PRRC2B: variants seen among roughly 807,000 people sequenced by gnomAD.
PRRC2B encodes the protein proline rich coiled-coil 2B, also known as protein PRRC2B.
In PRRC2B, 68 loss-of-function variants were observed where a neutral mutation model predicts 242.3. The ratio of observed to expected loss-of-function variants is 0.28; its 90% CI spans 0.23 to 0.34. The LOEUF is 0.34. Among genes scored for constraint, PRRC2B ranks in the 10% least tolerant of loss-of-function variants. The pLI is 1.00. For missense variants in PRRC2B, 2,835 were observed against 2,954.8 expected, an observed-to-expected ratio of 0.96 and a Z score of 0.94; for synonymous variants, 1,228 against 1,173.6, an observed-to-expected ratio of 1.05 and a Z score of -0.95.
intron 9 of PRRC2B, 125 bp downstream of exon 9, chr9:131,447,929 C>G (rs1420599692): frequency 1.2e-5 from 12 of 1,033,804 alleles, no homozygotes; most frequent in Non-Finnish European, 1.6e-5. Flanking sequence ...AAGAGCCGGA[C>G]AGGGAAGCAG....
rs371470825 is a variant in PRRC2B, at chr9:131,473,691, C to T, written c.2291C>T (p.Ser764Leu). The T allele has an allele frequency of 5.6e-6, 9 of 1,613,486 alleles. No individual in the cohort carries two copies. The highest frequency in any genetic ancestry group is 2.2e-5 in the South Asian group (2 of 91,022). ...GGCTACCCGCTCCCGCACCCGAAGT[C>T]GAGTGACACCTTGGCTATGGACATG... is the stretch of plus-strand genomic sequence containing the variant. The part of the protein sequence containing the change: ...SKGYPLPHPK[S>L]SDTLAMDMRV... Residue 764 changes from serine (S) to leucine (L), a missense_variant, in exon 15 of 32, where the codon TCG (serine) becomes TTG (leucine). By Grantham distance (145) the Ser-to-Leu change is moderately radical. This residue lies in a region of PRRC2B where 1,536 missense variants were observed against 1,483.1 expected (regional missense o/e 1.04). Transcript: ENST00000683519.
chr9:131,436,766 G>A (rs1251250471), intron 4 of PRRC2B, 44 bp downstream of exon 4: 8 of 1,506,544 alleles, frequency 5.3e-6, no homozygotes, highest in Non-Finnish European at 7.4e-6. Context: ...GGGCATGGTA[G>A]CCCCTAAATC....
Position 131,467,544 on chromosome 9 carries a change from C to T in PRRC2B, c.1721-19C>T, listed in dbSNP as rs1334825485. The T allele has an allele frequency of 1.9e-6, 3 of 1,561,400 alleles. No individual in the cohort carries two copies. The highest frequency in any genetic ancestry group is 2.6e-6 in the Non-Finnish European group (3 of 1,151,786). Reference sequence around the variant, plus strand: ...TCTGTGAGCTCACTGTGTCATTTCTCTGCTGGTATATTCTCTAGGCTCCCC... The same window carrying T: ...TCTGTGAGCTCACTGTGTCATTTCTTTGCTGGTATATTCTCTAGGCTCCCC... On this transcript the variant is annotated intron_variant, in intron 12 of 31. Transcript: ENST00000683519.
At chr9:131,391,141 T>G (rs577766941), upstream of PRRC2B, among the ~76,000 whole-genome samples, 1 of 152,036 alleles carries the variant, frequency 6.6e-6, no homozygotes, top group Non-Finnish European at 1.5e-5. Context: ...TCTCCAAGGT[T>G]GTACTAGTTT....
At chr9:131,416,114 C>CTTTTT (rs562809102) in intron 1 of PRRC2B, among the ~76,000 whole-genome samples, 1 of 145,258 alleles carries the variant, frequency 6.9e-6, no homozygotes, top group Admixed American at 6.9e-5. Context: ...TCTTTTCTTT[C>CTTTTT]TTTTTTTTTT....
At chr9:131,478,073 CCTGGGCTGGGTT>C in intron 17 of PRRC2B, 124 bp downstream of exon 17, 2 of 813,346 alleles carry the variant, frequency 2.5e-6, no homozygotes, top group Non-Finnish European at 3.9e-6. Flanking sequence ...TCGGCCAGGC[CCTGGGCTGGGTT>C]CTGGGGCTGT....
rs1335339310 is a variant in PRRC2B at position 131,482,992 on chromosome 9, C to G, written c.5373+85C>G. The G allele has an allele frequency of 6.8e-7, 1 of 1,465,126 alleles. No homozygotes were observed. Among genetic ancestry groups the G allele is most frequent in the African/African-American group, 1.4e-5 (1 of 71,180 alleles). 90.8% of individuals were successfully genotyped at this position (1,465,126 alleles called of 1,614,324 possible). A position where few individuals can be genotyped will look rare whatever the true frequency, so the allele number is the denominator to read the frequency against. On this transcript the variant is annotated intron_variant, in intron 22 of 31. Transcript: ENST00000683519. This position sits in a 1 kb window ranked among gnomAD's most constrained non-coding sequence, Gnocchi z 5.2. Reference sequence around the variant, plus strand: ...AGGCTGGGGGCTCAGATGGGATTGTCTCCTAGAAGGAATAGAAGGATGGGA... The same window carrying G: ...AGGCTGGGGGCTCAGATGGGATTGTGTCCTAGAAGGAATAGAAGGATGGGA...
At chr9:131,447,974 T>G in intron 9 of PRRC2B, 170 bp downstream of exon 9, 1 of 567,652 alleles carries the variant, frequency 1.8e-6, no homozygotes, top group East Asian at 3.1e-5. Context: ...ACTCCCTGAC[T>G]AGAGGTTCCT....
intron 9 of PRRC2B, among the ~76,000 whole-genome samples, chr9:131,452,619 G>T (rs1942956471): frequency 1.7e-4 from 1 of 5,984 alleles, no homozygotes; most frequent in Non-Finnish European, 5.4e-3. Flanking sequence ...CCAAGGAATT[G>T]AATTGTTTTA....
chr9:131,478,625 G>C lies in PRRC2B; in HGVS notation c.4758+6G>C. ...AGAAGGAGCAGGCCGTGCAGGTGAG[G>C]GGCGGAGGGTGGGGGGGCATGGGGC... is the stretch of plus-strand genomic sequence containing the variant. On this transcript the variant is annotated splice_donor_region_variant and intron_variant, in intron 18 of 31. Coordinates refer to ENST00000683519, the MANE Select transcript of PRRC2B (RefSeq NM_013318.4). The C allele has an allele frequency of 6.4e-7, 1 of 1,570,884 alleles. No homozygotes were observed. The highest frequency in any genetic ancestry group is 8.7e-7 in the Non-Finnish European group (1 of 1,145,168).
intron 4 of PRRC2B, among the ~76,000 whole-genome samples, 195 bp from the exon 5 acceptor site, chr9:131,438,794 C>A (rs1490691431): frequency 2.6e-5 from 4 of 152,094 alleles, no homozygotes; most frequent in African/African-American, 9.7e-5. Flanking sequence ...ATTTTCTCGT[C>A]CCTGGGACCG....
At chr9:131,408,740 CAG>C (rs888259115) in intron 1 of PRRC2B, among the ~76,000 whole-genome samples, 1 of 150,438 alleles carries the variant, frequency 6.6e-6, no homozygotes, top group African/African-American at 2.4e-5. Context: ...TTTTTTGAGA[CAG>C]AGTTTTACTC....
rs745434579 is a variant in PRRC2B at position 131,476,298 on chromosome 9, G to A, written c.4169G>A (p.Arg1390Gln). 8.2e-6 allele frequency: 13 copies of A among 1,587,574 alleles called. No homozygotes were observed. Among genetic ancestry groups the A allele is most frequent in the Admixed American group, 5.4e-5 (3 of 55,422 alleles). The change falls in exon 16 of 32, where the codon CGG becomes CAG. Residue 1390 changes from arginine to glutamine, a missense_variant. Around this residue, in one of 7 missense-constraint regions of PRRC2B, gnomAD observed 1,536 missense variants for 1,483.1 expected, o/e 1.04. Coordinates refer to ENST00000683519, the MANE Select transcript of PRRC2B (RefSeq NM_013318.4). The part of the protein sequence containing the change: ...SSDFSERRER[R>Q]EGPGSEPDSQ... Reference sequence around the variant, plus strand: ...GACTTCAGCGAGCGGCGGGAGCGGCGGGAAGGCCCTGGGTCCGAGCCCGAC... The same window carrying A: ...GACTTCAGCGAGCGGCGGGAGCGGCAGGAAGGCCCTGGGTCCGAGCCCGAC...
At chr9:131,415,519 C>G (rs1191994271) in intron 1 of PRRC2B, among the ~76,000 whole-genome samples, 1 of 152,194 alleles carries the variant, frequency 6.6e-6, no homozygotes, top group Non-Finnish European at 1.5e-5. Flanking sequence ...GGAGTGGTCC[C>G]ACTAATATTG....
intron 1 of PRRC2B, among the ~76,000 whole-genome samples, chr9:131,425,708 C>G (rs190346616): frequency 1.2e-3 from 184 of 150,528 alleles, no homozygotes; most frequent in African/African-American, 4.3e-3. Context: ...CCAGGATGAT[C>G]TCGATCTCCT....
chr9:131,465,335 A>G (rs937797182), intron 12 of PRRC2B, among the ~76,000 whole-genome samples: 1 of 152,252 alleles, frequency 6.6e-6, no homozygotes, highest in East Asian at 1.9e-4. Context: ...TTGGGGTATG[A>G]ATGATCCTAT....
intron 5 of PRRC2B, among the ~76,000 whole-genome samples, chr9:131,443,296 G>T (rs1188141088): frequency 6.9e-6 from 1 of 145,354 alleles, no homozygotes; most frequent in East Asian, 2.1e-4. Context: ...ACCACGTCTG[G>T]CTAATTTTTT....
At chr9:131,449,143 A>G (rs1838927028) in intron 9 of PRRC2B, among the ~76,000 whole-genome samples, 1 of 152,222 alleles carries the variant, frequency 6.6e-6, no homozygotes, top group Non-Finnish European at 1.5e-5. Context: ...CAGTGCATCA[A>G]TATACTGTAA....
At chr9:131,460,502 C>T (rs1300647478) in intron 11 of PRRC2B, among the ~76,000 whole-genome samples, 2 of 152,180 alleles carry the variant, frequency 1.3e-5, no homozygotes, top group Non-Finnish European at 2.9e-5. Context: ...TTCATCCTGT[C>T]CCCCTCTGGC....
Sources: gnomAD v4.1 joint callset for allele counts (sites outside exome capture counted in the v4.1 genomes callset) on GRCh38, gnomAD v4.1.1 for gene constraint, gnomAD v4.1.1 regional missense constraint, Gnocchi (gnomAD v3.1) non-coding constraint, MANE v1.5 for transcripts, NCBI Gene and HGNC (gene_info 2026-07-23, HGNC 2026-07-21) for gene names.